The following KDM3B variants were observed in gnomAD, a reference collection of about 807,000 sequenced individuals.
KDM3B encodes lysine-specific demethylase 3B.
Under a neutral mutation model 170.0 loss-of-function variants are expected in KDM3B, and 10 were observed. The ratio of observed to expected loss-of-function variants is 0.06; its 90% CI spans 0.04 to 0.10. KDM3B has a LOEUF of 0.10. KDM3B is among the 10% of genes least tolerant of loss of function. The pLI is 1.00. For missense variants in KDM3B, 1,394 were observed against 2,195.2 expected, an observed-to-expected ratio of 0.64 and a Z score of 7.29; for synonymous variants, 831 against 834.8, an observed-to-expected ratio of 1.00 and a Z score of 0.08.
At chr5:138,405,603 G>T (rs1038872770) in intron 11 of KDM3B, among the ~76,000 whole-genome samples, 13 of 151,334 alleles carry the variant, frequency 8.6e-5, no homozygotes, top group African/African-American at 3.2e-4. Context: ...CGATAATAAA[G>T]TTAAAGGTAG....
At chr5:138,378,228 G>T (rs1224244938) in intron 4 of KDM3B, among the ~76,000 whole-genome samples, 1 of 151,846 alleles carries the variant, frequency 6.6e-6, no homozygotes, top group Non-Finnish European at 1.5e-5. Flanking sequence ...TTGAGTTTTA[G>T]TTTTTTTTAT....
intron 1 of KDM3B, among the ~76,000 whole-genome samples, chr5:138,360,029 G>C (rs954616977): frequency 3.3e-5 from 5 of 152,056 alleles, no homozygotes; most frequent in African/African-American, 1.2e-4. Context: ...CCTTTCCTCT[G>C]TCTCAGGGTG....
chr5:138,424,747 C>G (rs1038402403), intron 16 of KDM3B, among the ~76,000 whole-genome samples: 1 of 152,102 alleles, frequency 6.6e-6, no homozygotes, highest in Non-Finnish European at 1.5e-5. Context: ...CCACTACATT[C>G]CAGCCTGGGC....
intron 20 of KDM3B, among the ~76,000 whole-genome samples, chr5:138,428,491 G>A (rs943474326): frequency 1.3e-5 from 2 of 152,160 alleles, no homozygotes; most frequent in African/African-American, 2.4e-5. Flanking sequence ...GATTACAGGC[G>A]TCAGCCACTG....
In KDM3B at chr5:138,398,408, A is replaced by G. The variant is rs777519224; in HGVS notation, c.3046+16A>G. 2.5e-6 allele frequency: 4 copies of G among 1,608,938 alleles called. No individual in the cohort carries two copies. The highest frequency in any genetic ancestry group is 2.2e-5 in the South Asian group (2 of 90,504). On this transcript the variant is annotated intron_variant, in intron 10 of 23. Transcript: ENST00000314358. ...GAGCCACACCGTAAGTCACCTTCTC[A>G]CTTGTCTTCCAGGTGCTCCTAGTGA...
intron 9 of KDM3B, chr5:138,397,977 T>G (rs1580917703): frequency 2.1e-6 from 1 of 480,996 alleles, no homozygotes; most frequent in Middle Eastern, 5.4e-4. Context: ...TGGGACAGCT[T>G]TTTAAAGAAT....
intron 5 of KDM3B, 39 bp downstream of exon 5, chr5:138,379,747 C>T: frequency 1.3e-6 from 2 of 1,571,056 alleles, no homozygotes; most frequent in Admixed American, 1.9e-5. Context: ...TCCATCCATC[C>T]CCTTAAAGAG....
chr5:138,379,684 T>A lies in KDM3B; in HGVS notation c.681T>A (p.Arg227=). 1 of 1,613,584 alleles carries A rather than the reference T, an allele frequency of 6.2e-7. No homozygotes were observed. The highest frequency in any genetic ancestry group is 8.5e-7 in the Non-Finnish European group (1 of 1,179,746). Residue 227 remains arginine, a synonymous_variant, in exon 5 of 24, where the codon CGT becomes CGA. Transcript: ENST00000314358. ...TGAGCCATCAGGACTCCATCACTCG[T>A]CTTATGGAGGTGTCTGTAACTGAGG... ...GVVSHQDSIT[R]LMEVSVTESG...
intron 1 of KDM3B, among the ~76,000 whole-genome samples, chr5:138,365,638 C>A (rs1761725132): frequency 6.6e-6 from 1 of 152,004 alleles, no homozygotes; most frequent in East Asian, 1.9e-4. Flanking sequence ...CCAGTTTCTT[C>A]CATCCATATC....
chr5:138,364,454 T>C (rs929540136), intron 1 of KDM3B, among the ~76,000 whole-genome samples: 1 of 152,208 alleles, frequency 6.6e-6, no homozygotes, highest in Non-Finnish European at 1.5e-5. Flanking sequence ...TTAGGCTTCA[T>C]CTATAATGCC....
At chr5:138,417,153 C>T (rs1763126547) in intron 12 of KDM3B, among the ~76,000 whole-genome samples, 1 of 152,144 alleles carries the variant, frequency 6.6e-6, no homozygotes, top group Non-Finnish European at 1.5e-5. Context: ...AGAGAATCTA[C>T]CCCTAGAGTT....
chr5:138,367,524 A>G (rs1303307653), intron 1 of KDM3B, among the ~76,000 whole-genome samples: 1 of 152,246 alleles, frequency 6.6e-6, no homozygotes, highest in Non-Finnish European at 1.5e-5. Context: ...AATCACATGT[A>G]GACCACAAAG....
In KDM3B at chr5:138,352,766, G is replaced by A; in HGVS notation, c.-30G>A. 4 of 1,207,460 alleles carry A rather than the reference G, an allele frequency of 3.3e-6. No individual in the cohort carries two copies. Among genetic ancestry groups the A allele is most frequent in the Non-Finnish European group, 4.1e-6 (4 of 975,070 alleles). The allele number at this position is 1,207,460 out of a possible 1,614,324, so 74.8% of individuals were successfully genotyped here. ...CGGCGGAGGTGGTGGGAGGCGGCGGGCGGGAGCGCGGGTCAGGCCGGCCCC... is the reference window on the plus strand; with the variant it reads ...CGGCGGAGGTGGTGGGAGGCGGCGGACGGGAGCGCGGGTCAGGCCGGCCCC... On this transcript the variant is annotated 5_prime_UTR_variant, in exon 1 of 24. Coordinates refer to ENST00000314358, the MANE Select transcript of KDM3B (RefSeq NM_016604.4).
At chr5:138,393,454 T>C (rs1580912305) in intron 9 of KDM3B, 82 bp downstream of exon 9, 2 of 1,168,876 alleles carry the variant, frequency 1.7e-6, no homozygotes, top group African/African-American at 1.5e-5. Context: ...TCTATAAACA[T>C]GTTTCATCAT....
chr5:138,419,643 ACT>A (rs1441370092), intron 14 of KDM3B, among the ~76,000 whole-genome samples: 1 of 116,340 alleles, frequency 8.6e-6, no homozygotes, highest in African/African-American at 3.2e-5. Flanking sequence ...TAACAGCAAG[ACT>A]CTGTCTCAAA....
chr5:138,416,499 G>A (rs1179558146), intron 12 of KDM3B, among the ~76,000 whole-genome samples: 2 of 145,828 alleles, frequency 1.4e-5, no homozygotes, highest in Non-Finnish European at 3.0e-5. Context: ...TGAGGCAGGA[G>A]AATTGCTTGA....
At chr5:138,374,990 G>A in intron 2 of KDM3B, 103 bp from the exon 3 acceptor site, 1 of 707,430 alleles carries the variant, frequency 1.4e-6, no homozygotes, top group Non-Finnish European at 2.6e-6. Flanking sequence ...TATTTACTGG[G>A]ATGAAAGATA....
At position 138,391,546 on chromosome 5, in the gene KDM3B, G is replaced by A. The variant is rs1313452376; in HGVS notation, c.1914G>A (p.Leu638=). The change falls in exon 8 of 24, where the codon CTG becomes CTA. Residue 638 remains leucine (L), a synonymous_variant. Coordinates refer to ENST00000314358, the MANE Select transcript of KDM3B (RefSeq NM_016604.4). This position sits in a 1 kb window ranked among gnomAD's most constrained non-coding sequence, Gnocchi z 5.0. Reference sequence around the variant, plus strand: ...GAGAAGAGCCTTCTAATCCTTTCCTGGCATTTGTGGAGAAAGTTGAACACA... The same window carrying A: ...GAGAAGAGCCTTCTAATCCTTTCCTAGCATTTGTGGAGAAAGTTGAACACA... ...LSREEPSNPF[L]AFVEKVEHSP... is the part of the protein sequence containing the mutation. 5.6e-6 allele frequency: 9 copies of A among 1,613,850 alleles called. No individual in the cohort carries two copies. Among genetic ancestry groups the A allele is most frequent in the South Asian group, 1.1e-5 (1 of 91,078 alleles).
chr5:138,364,026 C>T (rs1761683356), intron 1 of KDM3B, among the ~76,000 whole-genome samples: 1 of 151,602 alleles, frequency 6.6e-6, no homozygotes, highest in Non-Finnish European at 1.5e-5. Context: ...AAGTCATTCT[C>T]CTTCCTCAGC....
Sources: gnomAD v4.1 joint callset for allele counts (sites outside exome capture counted in the v4.1 genomes callset) on GRCh38, gnomAD v4.1.1 for gene constraint, Gnocchi (gnomAD v3.1) non-coding constraint, MANE v1.5 for transcripts, NCBI Gene and HGNC (gene_info 2026-07-23, HGNC 2026-07-21) for gene names.